The following LRP1B variants were observed in gnomAD, a reference collection of about 807,000 sequenced individuals.
LRP1B encodes the protein low-density lipoprotein receptor-related protein 1B.
LRP1B carries 217 observed loss-of-function variants against 556.6 expected under a neutral mutation model. That is an observed-to-expected ratio of 0.39 (90% confidence interval 0.35 to 0.44). LRP1B has a LOEUF of 0.44. Among genes scored for constraint, LRP1B ranks in the 20% least tolerant of loss-of-function variants. LRP1B has a pLI of 1.00. For synonymous variants in LRP1B, 2,047 were observed against 1,865.8 expected, an observed-to-expected ratio of 1.10 and a Z score of -2.50; for missense variants, 5,053 against 5,620.8, an observed-to-expected ratio of 0.90 and a Z score of 3.23.
chr2:141,707,903 A>T (rs1558818352), intron 2 of LRP1B, among the ~76,000 whole-genome samples: 1 of 152,118 alleles, frequency 6.6e-6, no homozygotes, highest in South Asian at 2.1e-4. Context: ...TGTACTAAGA[A>T]TTTTTTTAAA....
At chr2:140,876,125 G>A (rs1693297314) in intron 25 of LRP1B, among the ~76,000 whole-genome samples, 1 of 152,210 alleles carries the variant, frequency 6.6e-6, no homozygotes, top group African/African-American at 2.4e-5. Context: ...ATGGAGAGCT[G>A]AAATGTTTAT....
chr2:141,360,550 C>T (rs569808405), intron 3 of LRP1B, among the ~76,000 whole-genome samples: 1 of 151,992 alleles, frequency 6.6e-6, no homozygotes, highest in East Asian at 1.9e-4. Context: ...TTAAAGAAAC[C>T]CCAAGTCAAA....
intron 2 of LRP1B, among the ~76,000 whole-genome samples, chr2:141,693,191 T>C (rs542212525): frequency 1.3e-5 from 2 of 152,142 alleles, no homozygotes; most frequent in South Asian, 4.1e-4. Flanking sequence ...TATGCCCCCA[T>C]TACTTTTTCA....
intron 1 of LRP1B, among the ~76,000 whole-genome samples, chr2:142,117,474 A>G (rs1309385027): frequency 6.6e-6 from 1 of 152,050 alleles, no homozygotes; most frequent in Non-Finnish European, 1.5e-5. Flanking sequence ...ACATGTTTTC[A>G]TTGTGACCCA....
chr2:141,263,721 T>C (rs1236990969), intron 3 of LRP1B, among the ~76,000 whole-genome samples: 1 of 152,134 alleles, frequency 6.6e-6, no homozygotes, highest in African/African-American at 2.4e-5. Context: ...TAGAACAACA[T>C]TCCTTATGAA....
intron 1 of LRP1B, among the ~76,000 whole-genome samples, chr2:141,827,343 A>T (rs974047193): frequency 3.9e-5 from 6 of 152,190 alleles, no homozygotes; most frequent in African/African-American, 2.4e-5. Context: ...TTTGAATGTG[A>T]ATTTTTTTAT....
chr2:141,487,343 C>T (rs73963307), intron 2 of LRP1B, among the ~76,000 whole-genome samples: 5,017 of 152,194 alleles, frequency 0.033, 271 homozygotes, highest in African/African-American at 0.11. Flanking sequence ...TTTCTTGACA[C>T]GGAATTGGTG....
intron 41 of LRP1B, chr2:140,683,225 A>G (rs1318081747): frequency 4.1e-6 from 1 of 242,190 alleles, no homozygotes; most frequent in South Asian, 4.9e-5. Context: ...TAGGAGGGTT[A>G]TTGAACACTG....
rs796272115 is a variant in LRP1B at position 141,952,057 on chromosome 2, G to A, written c.83-141656C>T. The stretch of plus-strand genomic sequence containing the variant: ...GATGTTCCCCACCCTGTGTCCAAGT[G>A]TTCTCATTGTTCAGTTCCCACCTAT... On this transcript the variant is annotated intron_variant, in intron 1 of 90. Coordinates refer to ENST00000389484, the MANE Select transcript of LRP1B (RefSeq NM_018557.3). 7.1e-5 allele frequency among the ~76,000 whole-genome samples: 10 copies of A among 140,178 alleles called. 1 individual carries two copies. The South Asian group carries it at 1.3e-3, about 19-fold the overall frequency. The allele number at this position is 140,178 out of a possible 152,430, so 92.0% of individuals were successfully genotyped here.
intron 3 of LRP1B, among the ~76,000 whole-genome samples, chr2:141,256,306 A>G (rs918472027): frequency 6.6e-6 from 1 of 151,996 alleles, no homozygotes; most frequent in African/African-American, 2.4e-5. Context: ...AAGACCTGAA[A>G]GCATGCAAGA....
intron 66 of LRP1B, among the ~76,000 whole-genome samples, chr2:140,419,474 A>G (rs1407327258): frequency 6.6e-6 from 1 of 152,194 alleles, no homozygotes; most frequent in Non-Finnish European, 1.5e-5. Flanking sequence ...AAATGTATAG[A>G]ACAGTCCACC....
intron 11 of LRP1B, among the ~76,000 whole-genome samples, chr2:141,044,871 A>C (rs112195350): frequency 0.041 from 6,241 of 151,604 alleles, 201 homozygotes; most frequent in African/African-American, 0.082. Context: ...GCGATTCCTC[A>C]GTGATCTGGA....
At chr2:141,763,031 C>G (rs760899346) in intron 2 of LRP1B, among the ~76,000 whole-genome samples, 2 of 152,154 alleles carry the variant, frequency 1.3e-5, no homozygotes, top group Non-Finnish European at 2.9e-5. Context: ...TCTGTGTATT[C>G]TGCTTGGCTA....
At chr2:141,499,438 G>A (rs1271926575) in intron 2 of LRP1B, among the ~76,000 whole-genome samples, 1 of 151,866 alleles carries the variant, frequency 6.6e-6, no homozygotes, top group Non-Finnish European at 1.5e-5. Context: ...GGTTCTTTTC[G>A]CTTTGTATCC....
At chr2:140,411,880 T>TA (rs1206812479) in intron 66 of LRP1B, among the ~76,000 whole-genome samples, 10 of 152,254 alleles carry the variant, frequency 6.6e-5, no homozygotes, top group Admixed American at 5.9e-4. Context: ...TCAATCCTGA[T>TA]AATAGCAAAG....
At chr2:141,643,325 G>A (rs1364769893) in intron 2 of LRP1B, among the ~76,000 whole-genome samples, 3 of 152,132 alleles carry the variant, frequency 2.0e-5, no homozygotes, top group Non-Finnish European at 4.4e-5. Context: ...GCCAGGATGT[G>A]TCTTATGGGT....
At chr2:141,741,506 T>TGAC (rs1279689025) in intron 2 of LRP1B, among the ~76,000 whole-genome samples, 1 of 151,646 alleles carries the variant, frequency 6.6e-6, no homozygotes, top group African/African-American at 2.4e-5. Flanking sequence ...ACTGGTGAGA[T>TGAC]ATCTTATTGT....
chr2:141,572,067 G>C (rs1216189242), intron 2 of LRP1B, among the ~76,000 whole-genome samples: 3 of 152,042 alleles, frequency 2.0e-5, no homozygotes, highest in Non-Finnish European at 2.9e-5. Context: ...TACAACTTCA[G>C]GAAATGCAGA....
chr2:142,074,253 C>T (rs1232139505), intron 1 of LRP1B, among the ~76,000 whole-genome samples: 1 of 152,028 alleles, frequency 6.6e-6, no homozygotes, highest in Non-Finnish European at 1.5e-5. Flanking sequence ...TATTACCTTT[C>T]CTGGGTCCTC....
Sources: gnomAD v4.1 joint callset for allele counts (sites outside exome capture counted in the v4.1 genomes callset) on GRCh38, gnomAD v4.1.1 for gene constraint, MANE v1.5 for transcripts, NCBI Gene and HGNC (gene_info 2026-07-23, HGNC 2026-07-21) for gene names.